Variants in NYAP2 observed in about 807,000 individuals in gnomAD.
The protein encoded by NYAP2 is neuronal tyrosine-phosphorylated phosphoinositide-3-kinase adapter 2.
NYAP2 carries 23 observed loss-of-function variants against 50.4 expected under a neutral mutation model. The ratio of observed to expected loss-of-function variants is 0.46; its 90% CI spans 0.33 to 0.65. The LOEUF (loss-of-function observed/expected upper bound fraction) is 0.65. NYAP2 is among the 30% of genes least tolerant of loss of function. The pLI is 0.02. For synonymous variants in NYAP2, 394 were observed against 365.2 expected, an observed-to-expected ratio of 1.08 and a Z score of -0.90; for missense variants, 885 against 861.0, an observed-to-expected ratio of 1.03 and a Z score of -0.35.
chr2:225,500,273 A>G (rs1690582420), intron 3 of NYAP2, among the ~76,000 whole-genome samples: 1 of 152,252 alleles, frequency 6.6e-6, no homozygotes, highest in Non-Finnish European at 1.5e-5. Flanking sequence ...GTGTAACTGC[A>G]GAGTTATCTT....
chr2:225,412,255 C>CTTTTTTTT (rs560637948), intron 3 of NYAP2, among the ~76,000 whole-genome samples: 840 of 59,072 alleles, frequency 0.014, 137 homozygotes, highest in African/African-American at 0.034. Flanking sequence ...CTGCGCCCGG[C>CTTTTTTTT]TTTTTTTTTT....
chr2:225,403,660 A>G (rs997385715), intron 2 of NYAP2, among the ~76,000 whole-genome samples: 4 of 151,942 alleles, frequency 2.6e-5, no homozygotes, highest in African/African-American at 9.7e-5. Context: ...ATATCTTGGA[A>G]AATAAAAGTT....
intron 5 of NYAP2, among the ~76,000 whole-genome samples, chr2:225,626,287 T>C (rs939046715): frequency 6.6e-6 from 1 of 152,006 alleles, no homozygotes; most frequent in African/African-American, 2.4e-5. Flanking sequence ...AGGACAAAAA[T>C]CAGAAAGAAT....
At chr2:225,568,889 TTATA>T (rs1213664197) in intron 4 of NYAP2, among the ~76,000 whole-genome samples, 1 of 152,154 alleles carries the variant, frequency 6.6e-6, no homozygotes, top group Non-Finnish European at 1.5e-5. Context: ...GCTTTCCCCC[TTATA>T]CTCTGAAGGT....
chr2:225,629,164 T>A (rs1297553113), intron 6 of NYAP2, among the ~76,000 whole-genome samples: 1 of 152,140 alleles, frequency 6.6e-6, no homozygotes. Context: ...GTCAATGGTG[T>A]TAAGTCCCAA....
At chr2:225,696,151 AAATAT>A in the NYAP2 span, among the ~76,000 whole-genome samples, 1 of 151,980 alleles carries the variant, frequency 6.6e-6, no homozygotes, top group African/African-American at 2.4e-5. Flanking sequence ...ATAATTAGAA[AAATAT>A]CAACTCTGGA....
At chr2:225,429,169 A>G (rs6436553) in intron 3 of NYAP2, among the ~76,000 whole-genome samples, 17,940 of 152,062 alleles carry the variant, frequency 0.12, 1,896 homozygotes, top group African/African-American at 0.28. Flanking sequence ...ATAATGCGTT[A>G]TTTGGCTGGG....
At chr2:225,461,798 G>C (rs1237665246) in intron 3 of NYAP2, among the ~76,000 whole-genome samples, 1 of 152,084 alleles carries the variant, frequency 6.6e-6, no homozygotes, top group Non-Finnish European at 1.5e-5. Context: ...AAATCTGCTA[G>C]GTTCTGAATC....
chr2:225,398,457 C>T (rs1694805937), upstream of NYAP2, among the ~76,000 whole-genome samples: 1 of 151,826 alleles, frequency 6.6e-6, no homozygotes, highest in Non-Finnish European at 1.5e-5. Context: ...GAACTTTTTC[C>T]ACCTTTGGTC....
exon 3 of NYAP2, chr2:225,409,072 A>T (rs766767688): frequency 6.2e-7 from 1 of 1,608,192 alleles, no homozygotes; most frequent in Admixed American, 1.7e-5. Context: ...AGAATGAAAA[A>T]CGCCGAAGAC....
intron 6 of NYAP2, among the ~76,000 whole-genome samples, chr2:225,645,137 A>C (rs1693607773): frequency 6.6e-6 from 1 of 151,146 alleles, no homozygotes; most frequent in African/African-American, 2.4e-5. Context: ...ATGCACCTAT[A>C]GTTTCAGCTA....
At chr2:225,469,644 T>C (rs1689980688) in intron 3 of NYAP2, among the ~76,000 whole-genome samples, 1 of 152,166 alleles carries the variant, frequency 6.6e-6, no homozygotes, top group Admixed American at 6.5e-5. Flanking sequence ...ATGTGGCACA[T>C]ATACACCATG....
chr2:225,626,145 T>C (rs1157134552), intron 5 of NYAP2, among the ~76,000 whole-genome samples: 1 of 152,224 alleles, frequency 6.6e-6, no homozygotes, highest in East Asian at 1.9e-4. Context: ...GAAATGTTCA[T>C]ATGGGGACTC....
At chr2:225,545,005 C>T (rs188013444) in intron 4 of NYAP2, among the ~76,000 whole-genome samples, 2 of 152,224 alleles carry the variant, frequency 1.3e-5, no homozygotes, top group Non-Finnish European at 2.9e-5. Flanking sequence ...TTAAATATGT[C>T]ATGCTACTCT....
chr2:225,646,573 G>A (rs979560406), intron 6 of NYAP2, among the ~76,000 whole-genome samples: 6 of 152,070 alleles, frequency 3.9e-5, no homozygotes, highest in African/African-American at 1.4e-4. Context: ...CCTGCCATGT[G>A]ATACCATTAA....
intron 3 of NYAP2, among the ~76,000 whole-genome samples, chr2:225,454,552 C>T (rs1039047037): frequency 1.3e-4 from 20 of 152,118 alleles, no homozygotes; most frequent in Admixed American, 1.1e-3. Flanking sequence ...TAATATCTTA[C>T]ATCAGGGGTA....
Position 225,526,757 on chromosome 2 carries a change from G to C in NYAP2, c.523+13085G>C, listed in dbSNP as rs555533499. ...ACTATACTAATAAAGCACAAAGAAG[G>C]TTGAAAGCAAACTCTCAAAATCTCC... On this transcript the variant is annotated intron_variant, in intron 4 of 6. Coordinates refer to ENST00000636099, the Ensembl canonical transcript of NYAP2. Among the ~76,000 whole-genome samples, 4 of 152,302 alleles carry C rather than the reference G, an allele frequency of 2.6e-5. No individual in the cohort carries two copies. In the East Asian group the frequency reaches 7.7e-4, roughly 29 times the overall value.
chr2:225,467,803 C>T (rs1689945164), intron 3 of NYAP2, among the ~76,000 whole-genome samples: 1 of 152,120 alleles, frequency 6.6e-6, no homozygotes, highest in South Asian at 2.1e-4. Flanking sequence ...ACAAAAATAA[C>T]TGAAGTATGT....
chr2:225,628,625 C>G (rs1247855613), intron 6 of NYAP2, among the ~76,000 whole-genome samples: 1 of 152,014 alleles, frequency 6.6e-6, no homozygotes, highest in East Asian at 1.9e-4. Context: ...GCCTGGCTCA[C>G]AAATAGTGTT....
Sources: allele counts gnomAD v4.1 joint callset (sites outside exome capture counted in the v4.1 genomes callset), GRCh38; gene constraint gnomAD v4.1.1; transcripts MANE v1.5; gene names NCBI Gene and HGNC (gene_info 2026-07-23, HGNC 2026-07-21).